The following FAM135B variants were observed in gnomAD, a reference collection of about 807,000 sequenced individuals.
FAM135B encodes the protein family with sequence similarity 135 member B, also known as protein FAM135B.
Under a neutral mutation model 127.7 loss-of-function variants are expected in FAM135B, and 43 were observed. The observed-to-expected ratio is 0.34, with a 90% confidence interval of 0.26 to 0.43. FAM135B has a LOEUF of 0.43. Ranked by LOEUF, FAM135B falls within the 20% of genes least tolerant of loss-of-function variation. FAM135B has a pLI of 1.00. For missense variants in FAM135B, 1,558 were observed against 1,725.6 expected (o/e 0.90, Z 1.72); for synonymous variants, 670 against 665.1 (o/e 1.01, Z -0.11).
intron 11 of FAM135B, among the ~76,000 whole-genome samples, chr8:138,173,500 TTTC>T (rs1370393118): frequency 9.9e-5 from 15 of 152,274 alleles, no homozygotes; most frequent in African/African-American, 3.1e-4. Context: ...GTTTCCCTAG[TTTC>T]TTCTTCTTTA....
intron 1 of FAM135B, among the ~76,000 whole-genome samples, chr8:138,394,758 A>C (rs1832768433): frequency 6.6e-6 from 1 of 152,158 alleles, no homozygotes; most frequent in South Asian, 2.1e-4. Context: ...GCTCAGACTG[A>C]CTATGATGTC....
chr8:138,477,481 G>GT (rs1814543280), intron 1 of FAM135B: 1 of 152,114 alleles, frequency 6.6e-6, no homozygotes, highest in Admixed American at 6.5e-5. Context: ...TCATCTGTTT[G>GT]TTTATCTGTT....
At chr8:138,416,679 T>A (rs1213457845) in intron 1 of FAM135B, among the ~76,000 whole-genome samples, 1 of 151,848 alleles carries the variant, frequency 6.6e-6, no homozygotes, top group Non-Finnish European at 1.5e-5. Flanking sequence ...TCCCAAAGAT[T>A]TTACTTTTGA....
intron 7 of FAM135B, among the ~76,000 whole-genome samples, chr8:138,221,622 G>T (rs1451324861): frequency 6.6e-6 from 1 of 152,190 alleles, no homozygotes; most frequent in Non-Finnish European, 1.5e-5. Flanking sequence ...CCAGGACTGA[G>T]AATTAACTGA....
intron 9 of FAM135B, among the ~76,000 whole-genome samples, chr8:138,186,485 A>G (rs912826528): frequency 6.6e-6 from 1 of 152,010 alleles, no homozygotes; most frequent in East Asian, 1.9e-4. Context: ...GCGATGCTCT[A>G]CCTCTAAACA....
intron 2 of FAM135B, among the ~76,000 whole-genome samples, chr8:138,331,537 G>A (rs1424047858): frequency 6.6e-6 from 1 of 152,122 alleles, no homozygotes. Context: ...TGGTGAGGCT[G>A]GGTTTAAAAC....
chr8:138,360,710 AT>A (rs926792402), intron 2 of FAM135B, among the ~76,000 whole-genome samples: 1 of 151,990 alleles, frequency 6.6e-6, no homozygotes, highest in South Asian at 2.1e-4. Context: ...CACTGTGAAG[AT>A]TTTTTTTACT....
intron 1 of FAM135B, among the ~76,000 whole-genome samples, chr8:138,417,216 G>A (rs1332085245): frequency 1.3e-5 from 2 of 152,158 alleles, no homozygotes; most frequent in Non-Finnish European, 2.9e-5. Context: ...GGGCCAGTCT[G>A]ATCTGACTGT....
intron 3 of FAM135B, among the ~76,000 whole-genome samples, chr8:138,302,486 C>A (rs1389292475): frequency 2.0e-5 from 3 of 152,142 alleles, no homozygotes; most frequent in African/African-American, 4.8e-5. Context: ...ACCAGGGGAC[C>A]CTGGAGCCTT....
intron 3 of FAM135B, among the ~76,000 whole-genome samples, chr8:138,302,510 C>T (rs1447013995): frequency 6.6e-6 from 1 of 152,160 alleles, no homozygotes; most frequent in Non-Finnish European, 1.5e-5. Context: ...CCCTAGGGAA[C>T]GAATGCAGGG....
chr8:138,435,828 T>G (rs532057994), intron 1 of FAM135B, among the ~76,000 whole-genome samples: 1 of 152,196 alleles, frequency 6.6e-6, no homozygotes, highest in Non-Finnish European at 1.5e-5. Context: ...AGGGGTGACT[T>G]AAGCAAAGGA....
chr8:138,324,009 G>A (rs1383736518), intron 2 of FAM135B, among the ~76,000 whole-genome samples: 1 of 152,202 alleles, frequency 6.6e-6, no homozygotes, highest in Non-Finnish European at 1.5e-5. Flanking sequence ...CAGGTGACAG[G>A]AAAGCACTTC....
intron 12 of FAM135B, among the ~76,000 whole-genome samples, chr8:138,157,065 G>A (rs1818830769): frequency 6.6e-6 from 1 of 152,166 alleles, no homozygotes; most frequent in South Asian, 2.1e-4. Context: ...CTGGCAAACA[G>A]AATCCAGCAG....
intron 2 of FAM135B, among the ~76,000 whole-genome samples, chr8:138,365,043 C>G (rs1262889311): frequency 6.6e-6 from 1 of 152,100 alleles, no homozygotes; most frequent in Non-Finnish European, 1.5e-5. Context: ...GATGGACTTT[C>G]ACCATGTTGG....
intron 3 of FAM135B, among the ~76,000 whole-genome samples, chr8:138,301,536 T>G (rs1203569500): frequency 6.6e-6 from 1 of 152,140 alleles, no homozygotes; most frequent in Non-Finnish European, 1.5e-5. Flanking sequence ...TTCCTTTTGT[T>G]CTTTGCTCCG....
At position 138,375,451 on chromosome 8, in the gene FAM135B, T is replaced by A. The variant is rs923372426; in HGVS notation, c.-19-7449A>T. Among the ~76,000 whole-genome samples, 23 of 152,168 alleles carry A rather than the reference T, an allele frequency of 1.5e-4. No individual in the cohort carries two copies. In the Middle Eastern group the frequency reaches 0.017, roughly 113 times the overall value. ...TGGGATAGACCAGCCAGGATCCAGA[T>A]ATCAATGTTACAATCTACCTAAAGT... On this transcript the variant is annotated intron_variant, in intron 1 of 19. Coordinates refer to ENST00000395297, the MANE Select transcript of FAM135B (RefSeq NM_015912.4).
rs1820090055 is a variant in FAM135B at position 138,167,922 on chromosome 8, C to T, written c.1231G>A (p.Asp411Asn). The T allele has an allele frequency of 6.2e-7, 1 of 1,613,456 alleles. No homozygotes were observed. Among genetic ancestry groups the T allele is most frequent in the Admixed American group, 1.7e-5 (1 of 59,938 alleles). Residue 411 changes from aspartate (D) to asparagine (N), a missense_variant, in exon 12 of 20, where the codon GAC (aspartate) becomes AAC (asparagine). Asp to Asn is a conservative substitution (Grantham distance 23, BLOSUM62 1). This residue lies in a region of FAM135B where 115 missense variants were observed against 171.1 expected (regional missense o/e 0.67). Transcript: ENST00000395297. ...GTCGCAGGGCAGTCCACGTATCTGTCCTCAAAGATCACCGGCAGGGTGTTC... is the reference window on the plus strand; with the variant it reads ...GTCGCAGGGCAGTCCACGTATCTGTTCTCAAAGATCACCGGCAGGGTGTTC... Reference protein sequence around the residue: ...DWNTLPVIFEDRYVDCPATGH... With the variant: ...DWNTLPVIFENRYVDCPATGH...
intron 1 of FAM135B, among the ~76,000 whole-genome samples, chr8:138,487,644 G>GGC (rs1554705567): frequency 2.3e-4 from 35 of 151,014 alleles, no homozygotes; most frequent in African/African-American, 8.6e-4. Context: ...TGGGGGTGGG[G>GGC]GCGGGGCAGG....
intron 1 of FAM135B, among the ~76,000 whole-genome samples, chr8:138,413,407 T>C (rs1444094336): frequency 1.3e-5 from 2 of 152,160 alleles, no homozygotes; most frequent in Non-Finnish European, 2.9e-5. Flanking sequence ...ACTTTAAAGT[T>C]TGTCTCATCC....
Sources: gnomAD v4.1 joint callset for allele counts (sites outside exome capture counted in the v4.1 genomes callset) on GRCh38, gnomAD v4.1.1 for gene constraint, gnomAD v4.1.1 regional missense constraint, MANE v1.5 for transcripts, NCBI Gene and HGNC (gene_info 2026-07-23, HGNC 2026-07-21) for gene names.